The following RPH3A variants were observed in gnomAD, a reference collection of about 807,000 sequenced individuals.
The protein encoded by RPH3A is rabphilin 3A.
A neutral mutation model predicts 102.2 loss-of-function variants in RPH3A; 48 were observed. The observed-to-expected ratio is 0.47, with a 90% CI of 0.37 to 0.60. The LOEUF (loss-of-function observed/expected upper bound fraction) is 0.60. Among genes scored for constraint, RPH3A ranks in the 20% least tolerant of loss-of-function variants. The pLI is 0.00. For synonymous variants in RPH3A, 310 were observed against 324.3 expected (o/e 0.96, Z 0.47); for missense variants, 781 against 910.1 (o/e 0.86, Z 1.83).
chr12:112,804,598 A>T (rs901279539), intron 2 of RPH3A, among the ~76,000 whole-genome samples: 2 of 152,204 alleles, frequency 1.3e-5, no homozygotes, highest in African/African-American at 4.8e-5. Flanking sequence ...AGAGCACAAC[A>T]GTTAGGACTT....
Position 112,600,943 on chromosome 12 carries a change from C to T in RPH3A, c.-140+25624C>T, listed in dbSNP as rs879675626. Among the ~76,000 whole-genome samples the T allele has an allele frequency of 1.7e-4, 26 of 152,132 alleles. 1 individual carries two copies. The highest frequency in any genetic ancestry group is 4.3e-4 in the African/African-American group (18 of 41,414). On this transcript the variant is annotated intron_variant, in intron 1 of 21. Transcript: ENST00000543106. ...TGGTGGAAGTCACCTCTTCACAGGA[C>T]GGCAGGAGAGAGAATGCATGCAAGC... is the stretch of plus-strand genomic sequence containing the variant.
intron 1 of RPH3A, among the ~76,000 whole-genome samples, chr12:112,780,644 G>A (rs10850079): frequency 6.6e-6 from 1 of 152,122 alleles, no homozygotes; most frequent in African/African-American, 2.4e-5. Context: ...CATATGGGCC[G>A]TTTCATGTGT....
chr12:112,683,276 T>C (rs2040239550), intron 1 of RPH3A, among the ~76,000 whole-genome samples: 1 of 152,184 alleles, frequency 6.6e-6, no homozygotes, highest in African/African-American at 2.4e-5. Flanking sequence ...AAAAAGACCA[T>C]GAGTGTTCTT....
chr12:112,806,373 G>A (rs966806965), intron 2 of RPH3A, among the ~76,000 whole-genome samples: 2 of 152,180 alleles, frequency 1.3e-5, no homozygotes, highest in South Asian at 2.1e-4. Context: ...ACTGGCTCAC[G>A]CCTGTAATCC....
chr12:112,620,559 C>A (rs1218758433), intron 1 of RPH3A, among the ~76,000 whole-genome samples: 1 of 152,188 alleles, frequency 6.6e-6, no homozygotes, highest in African/African-American at 2.4e-5. Flanking sequence ...TTGTTTCCAG[C>A]CTGGCGGGTC....
chr12:112,738,361 A>T (rs6489857), intron 1 of RPH3A, among the ~76,000 whole-genome samples: 85,781 of 151,644 alleles, frequency 0.57, 24,366 homozygotes, highest in East Asian at 0.78. Context: ...TCCTTTTCTT[A>T]TAAGGACACA....
intron 5 of RPH3A, among the ~76,000 whole-genome samples, chr12:112,864,468 A>G (rs1400509208): frequency 6.8e-6 from 1 of 146,872 alleles, no homozygotes; most frequent in Admixed American, 6.8e-5. Flanking sequence ...AAAAAAAAAA[A>G]TGGATACTAT....
intron 5 of RPH3A, among the ~76,000 whole-genome samples, chr12:112,863,510 G>A (rs1026531899): frequency 1.3e-5 from 2 of 152,168 alleles, no homozygotes; most frequent in Admixed American, 6.5e-5. Context: ...AGTAGAGACG[G>A]GGTTTCACCA....
intron 1 of RPH3A, among the ~76,000 whole-genome samples, chr12:112,741,767 A>G (rs577177717): frequency 6.6e-6 from 1 of 152,348 alleles, no homozygotes; most frequent in African/African-American, 2.4e-5. Flanking sequence ...AAAAGAGGAT[A>G]CAGCACACAG....
intron 1 of RPH3A, among the ~76,000 whole-genome samples, chr12:112,703,333 G>A (rs1339729858): frequency 6.6e-6 from 1 of 152,152 alleles, no homozygotes; most frequent in Non-Finnish European, 1.5e-5. Context: ...TAATGAAAAG[G>A]TTTTATTTAT....
chr12:112,796,669 A>T (rs2041236377), intron 2 of RPH3A, among the ~76,000 whole-genome samples: 1 of 152,232 alleles, frequency 6.6e-6, no homozygotes, highest in Admixed American at 6.5e-5. Flanking sequence ...TCTTCCTGCC[A>T]TTGCTATTTA....
chr12:112,585,595 C>T (rs1468433953), intron 1 of RPH3A, among the ~76,000 whole-genome samples: 1 of 152,060 alleles, frequency 6.6e-6, no homozygotes, highest in African/African-American at 2.4e-5. Flanking sequence ...ATTTGCCAGG[C>T]GTGGTGGTGC....
At chr12:112,751,832 A>G (rs914164635) in intron 1 of RPH3A, among the ~76,000 whole-genome samples, 1 of 152,236 alleles carries the variant, frequency 6.6e-6, no homozygotes, top group African/African-American at 2.4e-5. Context: ...AAAAAATTGG[A>G]AGCAGCATAA....
chr12:112,759,182 T>C (rs975822144), intron 1 of RPH3A, among the ~76,000 whole-genome samples: 17 of 152,138 alleles, frequency 1.1e-4, no homozygotes, highest in African/African-American at 4.1e-4. Context: ...CACCATAGTG[T>C]AAAAAATAAG....
chr12:112,583,189 C>T (rs547889466), intron 1 of RPH3A, among the ~76,000 whole-genome samples: 7 of 152,280 alleles, frequency 4.6e-5, no homozygotes, highest in Admixed American at 2.0e-4. Context: ...TTTGTCTGCA[C>T]GGCTAATAAC....
intron 5 of RPH3A, among the ~76,000 whole-genome samples, chr12:112,848,708 C>A (rs536516508): frequency 4.5e-4 from 68 of 152,070 alleles, no homozygotes; most frequent in African/African-American, 1.6e-3. Flanking sequence ...AGAAGCAAGG[C>A]TTATAAGAAG....
intron 1 of RPH3A, among the ~76,000 whole-genome samples, chr12:112,759,905 C>T (rs1042823476): frequency 8.5e-5 from 13 of 152,142 alleles, no homozygotes; most frequent in Non-Finnish European, 1.5e-5. Flanking sequence ...ATTGATCAGC[C>T]CTGAGAACCA....
chr12:112,638,706 T>C (rs1031623124), intron 1 of RPH3A, among the ~76,000 whole-genome samples: 2 of 152,180 alleles, frequency 1.3e-5, no homozygotes, highest in African/African-American at 4.8e-5. Flanking sequence ...AGCCCTTTAT[T>C]TTTTATACCA....
Position 112,879,120 on chromosome 12 carries a change from C to T in RPH3A, c.1173C>T (p.Thr391=). The change falls in exon 14 of 22, where the codon ACC becomes ACT. Residue 391 remains threonine, a splice_region_variant and synonymous_variant. Coordinates refer to ENST00000389385, the MANE Select transcript of RPH3A (RefSeq NM_001143854.2). ...GGTTCCTGTCTCTGCCCCCTTCAGCCACCCTGGGTGCCCTGGAATTCAGCC... is the reference window on the plus strand; with the variant it reads ...GGTTCCTGTCTCTGCCCCCTTCAGCTACCCTGGGTGCCCTGGAATTCAGCC... ...EANSYDSDEA[T]TLGALEFSLL... 6.2e-7 allele frequency: 1 copy of T among 1,613,746 alleles called. No homozygotes were observed. The highest frequency in any genetic ancestry group is 8.5e-7 in the Non-Finnish European group (1 of 1,179,732).
Sources: gnomAD v4.1 joint callset for allele counts (sites outside exome capture counted in the v4.1 genomes callset) on GRCh38, gnomAD v4.1.1 for gene constraint, MANE v1.5 for transcripts, NCBI Gene and HGNC (gene_info 2026-07-23, HGNC 2026-07-21) for gene names.